Variants in CHD7 observed in about 807,000 individuals in gnomAD.
CHD7 encodes chromodomain helicase DNA binding protein 7.
A neutral mutation model predicts 307.3 loss-of-function variants in CHD7; 24 were observed. The ratio of observed to expected loss-of-function variants is 0.08; its 90% CI spans 0.06 to 0.11. The LOEUF (loss-of-function observed/expected upper bound fraction) is 0.11, where lower values mean the gene tolerates loss of function less well. Ranked by LOEUF, CHD7 falls within the 10% of genes least tolerant of loss-of-function variation. CHD7 has a pLI of 1.00. For missense variants in CHD7, 3,106 were observed against 3,727.1 expected (o/e 0.83, Z 4.34); for synonymous variants, 1,363 against 1,349.9 (o/e 1.01, Z -0.21).
chr8:60,750,854 A>G (rs1809608430), intron 2 of CHD7, among the ~76,000 whole-genome samples: 2 of 152,234 alleles, frequency 1.3e-5, no homozygotes, highest in African/African-American at 4.8e-5. Context: ...ATGTAAATAA[A>G]TGTAAAATTG....
At chr8:60,733,539 T>A (rs62524946) in intron 1 of CHD7, among the ~76,000 whole-genome samples, 2,773 of 152,292 alleles carry the variant, frequency 0.018, 53 homozygotes, top group South Asian at 0.058. Flanking sequence ...CCTTTAGGAG[T>A]TAGCTTCAGA....
chr8:60,867,789 C>T lies in CHD7; in HGVS notation c.*1856C>T, dbSNP rs561335190. The T allele has an allele frequency of 6.6e-6, 1 of 152,300 alleles. No individual in the cohort carries two copies. The highest frequency in any genetic ancestry group is 1.5e-5 in the Non-Finnish European group (1 of 68,022). 9.4% of individuals were successfully genotyped at this position (152,300 alleles called of 1,614,324 possible). On this transcript the variant is annotated 3_prime_UTR_variant, in exon 38 of 38. Coordinates refer to ENST00000423902, the MANE Select transcript of CHD7 (RefSeq NM_017780.4). ...GAAAGAAACAACCTGAACCCTCCAC[C>T]TTACAGATCCTGTGATTGCTTTTAT...
At chr8:60,694,704 A>AGCCACT in intron 1 of CHD7, among the ~76,000 whole-genome samples, 1 of 152,296 alleles carries the variant, frequency 6.6e-6, no homozygotes, top group African/African-American at 2.4e-5. Context: ...AGAGCAACAC[A>AGCCACT]GCCACTGCCA....
At chr8:60,825,443 AC>A (rs1804218004) in intron 13 of CHD7, 1 of 152,240 alleles carries the variant, frequency 6.6e-6, no homozygotes, top group Non-Finnish European at 1.5e-5. Flanking sequence ...GGTGGCCAAT[AC>A]ACAAAACAAG....
Position 60,839,951 on chromosome 8 carries a change from A to G in CHD7, c.4534-1693A>G, listed in dbSNP as rs114871743. ...TGTTTTTAGTGCATTGTCAAACCCA[A>G]GCTCACAAAGATTTATGTTTTCTAC... On this transcript the variant is annotated intron_variant, in intron 19 of 37. Coordinates refer to ENST00000423902, the MANE Select transcript of CHD7 (RefSeq NM_017780.4). Among the ~76,000 whole-genome samples the G allele has an allele frequency of 2.2e-3, 332 of 152,318 alleles. 1 individual carries two copies. The highest frequency in any genetic ancestry group is 6.9e-3 in the African/African-American group (288 of 41,578).
rs752218736 is a variant in CHD7 at position 60,741,409 on chromosome 8, G to C, written c.-24G>C. On this transcript the variant is annotated 5_prime_UTR_variant, in exon 2 of 38. Coordinates refer to ENST00000423902, the MANE Select transcript of CHD7 (RefSeq NM_017780.4). Reference sequence around the variant, plus strand: ...CAGGCAAGCTCCTGAGCTGTGGTTTGGAGGAGCCGTGTGTTGGAAGAAGAT... The same window carrying C: ...CAGGCAAGCTCCTGAGCTGTGGTTTCGAGGAGCCGTGTGTTGGAAGAAGAT... 6.4e-7 allele frequency: 1 copy of C among 1,556,194 alleles called. No homozygotes were observed. The highest frequency in any genetic ancestry group is 1.2e-5 in the South Asian group (1 of 84,354).
chr8:60,762,468 G>C (rs112147525), intron 2 of CHD7, among the ~76,000 whole-genome samples: 4 of 152,300 alleles, frequency 2.6e-5, no homozygotes, highest in African/African-American at 9.6e-5. Flanking sequence ...TTAGTGAGCT[G>C]TGTGGCCTGG....
rs1447599754 is a variant in CHD7, at chr8:60,742,272, C to T, written c.840C>T (p.Pro280=). The part of the protein sequence containing the change: ...AHSPRFSPNP[P]QQGAVRPQTL... The stretch of plus-strand genomic sequence containing the variant: ...GTCCCAGATTCTCCCCGAATCCTCC[C>T]CAACAAGGGGCTGTTAGGCCGCAAA... The change falls in exon 2 of 38, where the codon CCC becomes CCT. Residue 280 remains proline (P), a synonymous_variant. Coordinates refer to ENST00000423902, the MANE Select transcript of CHD7 (RefSeq NM_017780.4). 1.2e-6 allele frequency: 2 copies of T among 1,613,818 alleles called. No individual in the cohort carries two copies. Among genetic ancestry groups the T allele is most frequent in the South Asian group, 1.1e-5 (1 of 91,086 alleles).
intron 11 of CHD7, among the ~76,000 whole-genome samples, 167 bp downstream of exon 11, chr8:60,822,312 T>G (rs1804080095): frequency 6.6e-6 from 1 of 152,086 alleles, no homozygotes; most frequent in South Asian, 2.1e-4. Context: ...ATACAGAGAT[T>G]GATATAAGTG....
chr8:60,679,313 G>A (rs1274812275), intron 1 of CHD7, among the ~76,000 whole-genome samples: 1 of 146,592 alleles, frequency 6.8e-6, no homozygotes, highest in Non-Finnish European at 1.5e-5. Flanking sequence ...CCGAACCCGC[G>A]CCCCGAGCGC....
At chr8:60,817,097 T>G (rs1267011653) in intron 8 of CHD7, among the ~76,000 whole-genome samples, 1 of 152,200 alleles carries the variant, frequency 6.6e-6, no homozygotes, top group Non-Finnish European at 1.5e-5. Flanking sequence ...GCCCTCTGCC[T>G]CCTCAGTATA....
In CHD7 at chr8:60,865,799, G is replaced by A. The variant is rs1806219574; in HGVS notation, c.8860G>A (p.Glu2954Lys). The A allele has an allele frequency of 6.2e-7, 1 of 1,613,912 alleles. No homozygotes were observed. The highest frequency in any genetic ancestry group is 1.7e-5 in the Admixed American group (1 of 60,006). The change falls in exon 38 of 38, where the codon GAA becomes AAA. Residue 2954 changes from glutamate (E) to lysine (K), a missense_variant. By Grantham distance (56) the Glu-to-Lys change is moderately conservative. This residue lies in a region of CHD7 where 351 missense variants were observed against 366.2 expected (regional missense o/e 0.96). Coordinates refer to ENST00000423902, the MANE Select transcript of CHD7 (RefSeq NM_017780.4). This position sits in a 1 kb window ranked among gnomAD's most constrained non-coding sequence, Gnocchi z 4.3. ...ACCCTTTAAAGATGGAGAGACCCTTGAAGGCAGCGATGCCGAGGAGAGCCT... is the reference window on the plus strand; with the variant it reads ...ACCCTTTAAAGATGGAGAGACCCTTAAAGGCAGCGATGCCGAGGAGAGCCT... Reference protein sequence around the residue: ...GGPFKDGETLEGSDAEESLDK... With the variant: ...GGPFKDGETLKGSDAEESLDK...
intron 18 of CHD7, 112 bp downstream of exon 18, chr8:60,837,947 G>A: frequency 7.8e-7 from 1 of 1,281,076 alleles, no homozygotes; most frequent in Non-Finnish European, 1.1e-6. Context: ...TATTTTAAGT[G>A]TATTTTGTAA....
intron 2 of CHD7, among the ~76,000 whole-genome samples, chr8:60,765,146 C>T (rs1044349171): frequency 1.3e-5 from 2 of 152,010 alleles, no homozygotes; most frequent in African/African-American, 4.8e-5. Context: ...ATATTCCACC[C>T]GCAGACAATA....
At chr8:60,781,454 A>G (rs894735228) in intron 3 of CHD7, 24 bp downstream of exon 3, 1 of 1,504,904 alleles carries the variant, frequency 6.6e-7, no homozygotes, top group African/African-American at 1.4e-5. Flanking sequence ...AGAAAAAACA[A>G]CTGCAAAACA....
intron 1 of CHD7, among the ~76,000 whole-genome samples, chr8:60,732,036 CT>C (rs1288701231): frequency 3.3e-5 from 5 of 152,226 alleles, no homozygotes; most frequent in African/African-American, 1.2e-4. Context: ...CACATGTGCA[CT>C]GTTCTAGCAA....
chr8:60,756,988 C>T (rs942759354), intron 2 of CHD7, among the ~76,000 whole-genome samples: 3 of 152,204 alleles, frequency 2.0e-5, no homozygotes, highest in African/African-American at 4.8e-5. Flanking sequence ...GAGAGAAGAG[C>T]TCCATTCTTT....
At chr8:60,800,828 A>C (rs964443232) in intron 5 of CHD7, among the ~76,000 whole-genome samples, 21 of 152,178 alleles carry the variant, frequency 1.4e-4, no homozygotes, top group Admixed American at 5.9e-4. Context: ...ACCTCTGAGA[A>C]TTCAGTGCTG....
At chr8:60,833,926 G>A (rs967047311) in intron 15 of CHD7, among the ~76,000 whole-genome samples, 1 of 152,164 alleles carries the variant, frequency 6.6e-6, no homozygotes, top group African/African-American at 2.4e-5. Context: ...CAATCATATA[G>A]GAAAGGTGTT....
Sources: gnomAD v4.1 joint callset for allele counts (sites outside exome capture counted in the v4.1 genomes callset) on GRCh38, gnomAD v4.1.1 for gene constraint, gnomAD v4.1.1 regional missense constraint, Gnocchi (gnomAD v3.1) non-coding constraint, MANE v1.5 for transcripts, NCBI Gene and HGNC (gene_info 2026-07-23, HGNC 2026-07-21) for gene names.